The following PYGO1 variants were observed in gnomAD, a reference collection of about 807,000 sequenced individuals.
The protein encoded by PYGO1 is pygopus family PHD finger 1.
Under a neutral mutation model 29.5 loss-of-function variants are expected in PYGO1, and 6 were observed. The observed-to-expected ratio is 0.20, with a 90% CI of 0.11 to 0.40. The LOEUF (loss-of-function observed/expected upper bound fraction) is 0.40, where lower values mean the gene tolerates loss of function less well. PYGO1 is among the 10% of genes least tolerant of loss of function. PYGO1 has a pLI of 1.00. For missense variants in PYGO1, 515 were observed against 514.9 expected, an observed-to-expected ratio of 1.00 and a Z score of 0.00; for synonymous variants, 186 against 180.5, an observed-to-expected ratio of 1.03 and a Z score of -0.24.
At position 55,546,401 on chromosome 15, in the gene PYGO1, G is replaced by A. The variant is rs535636770; in HGVS notation, c.882C>T (p.Ala294=). 1.8e-4 allele frequency: 292 copies of A among 1,614,112 alleles called. 1 individual carries two copies. In the South Asian group the frequency reaches 3.0e-3, roughly 17 times the overall value. The change falls in exon 3 of 3, where the codon GCC becomes GCT. Residue 294 remains alanine, a synonymous_variant. Transcript: ENST00000563719. ...QENSRSSSTE[A]TNNNPANGTQ... is the part of the protein sequence containing the mutation. ...TCCCATTTGCAGGGTTATTGTTTGTGGCTTCAGTGCTACTTGAACGGCTGT... is the reference window on the plus strand; with the variant it reads ...TCCCATTTGCAGGGTTATTGTTTGTAGCTTCAGTGCTACTTGAACGGCTGT...
Position 55,545,767 on chromosome 15 carries a change from C to A in PYGO1, c.*256G>T. The A allele has an allele frequency of 3.1e-6, 1 of 324,974 alleles. No homozygotes were observed. The highest frequency in any genetic ancestry group is 5.5e-6 in the Non-Finnish European group (1 of 180,568). The allele number at this position is 324,974 out of a possible 1,614,324, so 20.1% of individuals were successfully genotyped here. On this transcript the variant is annotated 3_prime_UTR_variant, in exon 3 of 3. Coordinates refer to ENST00000563719, the MANE Select transcript of PYGO1 (RefSeq NM_001367806.1). ...TATATTATTTTGAAGTTTCAAGAGGCTTTTATGTTTGTGATAAATAACAAC... is the reference window on the plus strand; with the variant it reads ...TATATTATTTTGAAGTTTCAAGAGGATTTTATGTTTGTGATAAATAACAAC...
intron 1 of PYGO1, among the ~76,000 whole-genome samples, chr15:55,553,184 G>C (rs532894759): frequency 1.3e-5 from 2 of 152,182 alleles, no homozygotes; most frequent in East Asian, 3.9e-4. Flanking sequence ...ACAGAGCAAG[G>C]CCTCCCTGTG....
At chr15:55,548,482 T>C (rs1005573813) in intron 2 of PYGO1, among the ~76,000 whole-genome samples, 1 of 150,088 alleles carries the variant, frequency 6.7e-6, no homozygotes, top group Admixed American at 6.6e-5. Flanking sequence ...CCGAGGCGGG[T>C]GGATCACGAG....
intron 1 of PYGO1, among the ~76,000 whole-genome samples, chr15:55,550,112 T>A (rs1437994905): frequency 6.6e-6 from 1 of 152,198 alleles, no homozygotes; most frequent in Non-Finnish European, 1.5e-5. Context: ...ATCTGTATGG[T>A]TTGTTTAGAT....
intron 1 of PYGO1, among the ~76,000 whole-genome samples, chr15:55,581,350 A>G (rs1007576070): frequency 1.3e-5 from 2 of 152,220 alleles, no homozygotes; most frequent in African/African-American, 4.8e-5. Flanking sequence ...GAACTGGAGC[A>G]TAAGAAATAG....
intron 1 of PYGO1, among the ~76,000 whole-genome samples, chr15:55,565,249 G>T (rs1006184459): frequency 6.6e-6 from 1 of 151,958 alleles, no homozygotes; most frequent in African/African-American, 2.4e-5. Context: ...GGGACATCTT[G>T]GTGGTCATCT....
intron 1 of PYGO1, among the ~76,000 whole-genome samples, chr15:55,578,298 T>C (rs1306548841): frequency 1.3e-5 from 2 of 152,240 alleles, no homozygotes; most frequent in African/African-American, 2.4e-5. Flanking sequence ...ATAATACTTC[T>C]ATAAATATTC....
At chr15:55,550,266 G>A (rs2058873177) in intron 1 of PYGO1, among the ~76,000 whole-genome samples, 1 of 151,966 alleles carries the variant, frequency 6.6e-6, no homozygotes, top group Non-Finnish European at 1.5e-5. Context: ...CCATCTTTTA[G>A]CTCCAACCCC....
chr15:55,580,825 G>T (rs1370248746), intron 1 of PYGO1, among the ~76,000 whole-genome samples: 2 of 152,150 alleles, frequency 1.3e-5, no homozygotes, highest in Non-Finnish European at 2.9e-5. Context: ...CTATCGGGTT[G>T]CCTAAAACAA....
chr15:55,580,667 C>T, intron 1 of PYGO1, among the ~76,000 whole-genome samples: 1 of 152,174 alleles, frequency 6.6e-6, no homozygotes, highest in East Asian at 1.9e-4. Flanking sequence ...GGATAAAAAC[C>T]TTGGCAGTCA....
chr15:55,547,306 T>C (rs1394963325), intron 2 of PYGO1, among the ~76,000 whole-genome samples, 159 bp from the exon 3 acceptor site: 2 of 152,232 alleles, frequency 1.3e-5, no homozygotes, highest in South Asian at 2.1e-4. Flanking sequence ...TTTTGACTAA[T>C]GTTTATATTT....
intron 1 of PYGO1, among the ~76,000 whole-genome samples, chr15:55,558,419 G>T (rs2058917007): frequency 1.3e-5 from 2 of 151,970 alleles, no homozygotes; most frequent in Non-Finnish European, 1.5e-5. Context: ...TGGCCATACT[G>T]CCCAAGGTAA....
At chr15:55,576,771 A>AAAAAAAAAAAAAAAAAAAG (rs1555426321) in intron 1 of PYGO1, among the ~76,000 whole-genome samples, 2 of 149,240 alleles carry the variant, frequency 1.3e-5, no homozygotes, top group Non-Finnish European at 3.0e-5. Flanking sequence ...AAAAAAAAGA[A>AAAAAAAAAAAAAAAAAAAG]GTGGGGGAAA....
chr15:55,573,355 G>C (rs1171323868), intron 1 of PYGO1, among the ~76,000 whole-genome samples: 1 of 152,104 alleles, frequency 6.6e-6, no homozygotes, highest in Non-Finnish European at 1.5e-5. Context: ...TGTTGGTGAG[G>C]ATGTGGAGGA....
At chr15:55,572,687 C>T (rs1312422741) in intron 1 of PYGO1, among the ~76,000 whole-genome samples, 2 of 151,932 alleles carry the variant, frequency 1.3e-5, no homozygotes, top group Non-Finnish European at 2.9e-5. Flanking sequence ...AGGTGCTCAT[C>T]CAAAAGCAAA....
intron 1 of PYGO1, among the ~76,000 whole-genome samples, chr15:55,573,030 G>T (rs2058986558): frequency 6.6e-6 from 1 of 151,442 alleles, no homozygotes; most frequent in African/African-American, 2.4e-5. Context: ...AAAAAAGCTG[G>T]GCACAGTGGC....
At chr15:55,556,621 A>C (rs192261427) in intron 1 of PYGO1, among the ~76,000 whole-genome samples, 109 of 152,294 alleles carry the variant, frequency 7.2e-4, no homozygotes, top group African/African-American at 2.5e-3. Context: ...CTCCAAAGGT[A>C]GCAGAAGAAA....
At chr15:55,558,715 C>A (rs1282162288) in intron 1 of PYGO1, among the ~76,000 whole-genome samples, 1 of 151,862 alleles carries the variant, frequency 6.6e-6, no homozygotes, top group Admixed American at 6.6e-5. Context: ...ACAAACCTGA[C>A]AAAAACAAGA....
intron 1 of PYGO1, among the ~76,000 whole-genome samples, chr15:55,585,899 C>T (rs1394666413): frequency 1.3e-5 from 2 of 152,146 alleles, no homozygotes; most frequent in East Asian, 3.8e-4. Flanking sequence ...TCCTTAAAGG[C>T]TTTGGCAACT....
Sources: allele counts gnomAD v4.1 joint callset (sites outside exome capture counted in the v4.1 genomes callset), GRCh38; gene constraint gnomAD v4.1.1; transcripts MANE v1.5; gene names NCBI Gene and HGNC (gene_info 2026-07-23, HGNC 2026-07-21).